Variants in ZNF213 observed in about 807,000 individuals in gnomAD.
The protein encoded by ZNF213 is zinc finger protein 213, also known as putative transcription factor CR53.
ZNF213 carries 32 observed loss-of-function variants against 46.0 expected under a neutral mutation model. That is an observed-to-expected ratio of 0.70 (90% CI 0.52 to 0.93). The LOEUF is 0.93. ZNF213 is among the 40% of genes least tolerant of loss of function. ZNF213 has a pLI of 0.00. For synonymous variants in ZNF213, 297 were observed against 271.0 expected, an observed-to-expected ratio of 1.10 and a Z score of -0.94; for missense variants, 639 against 652.8, an observed-to-expected ratio of 0.98 and a Z score of 0.23.
rs765247881 is a variant in ZNF213 at position 3,139,083 on chromosome 16, C to G, written c.706C>G (p.Arg236Gly). The part of the protein sequence containing the change: ...LFWDIKRENS[R>G]NTTLGFGLKG... Reference sequence around the variant, plus strand: ...CTGGGACATAAAGCGGGAGAACTCCCGGAACACCACCCTGGGTAAGCACCC... The same window carrying G: ...CTGGGACATAAAGCGGGAGAACTCCGGGAACACCACCCTGGGTAAGCACCC... The change falls in exon 5 of 6, where the codon CGG becomes GGG. Residue 236 changes from arginine (R) to glycine (G), a missense_variant. Arg to Gly is a moderately radical substitution (Grantham distance 125). Coordinates refer to ENST00000396878, the MANE Select transcript of ZNF213 (RefSeq NM_004220.3). The G allele has an allele frequency of 6.2e-7, 1 of 1,613,792 alleles. No homozygotes were observed. The highest frequency in any genetic ancestry group is 8.5e-7 in the Non-Finnish European group (1 of 1,179,994).
chr16:3,140,590 T>C, intron 5 of ZNF213, 99 bp from the exon 6 acceptor site: 1 of 1,411,522 alleles, frequency 7.1e-7, no homozygotes, highest in East Asian at 2.7e-5. Context: ...TTTCTGAACC[T>C]GGAGGCCAGG....
intron 2 of ZNF213, chr16:3,138,214 C>A: frequency 9.7e-7 from 1 of 1,026,456 alleles, no homozygotes; most frequent in Non-Finnish European, 1.4e-6. Flanking sequence ...GTTCTTGCCT[C>A]GTGAATGATC....
chr16:3,136,488 C>T (rs1262247936), intron 1 of ZNF213, among the ~76,000 whole-genome samples: 5 of 152,228 alleles, frequency 3.3e-5, no homozygotes, highest in Middle Eastern at 3.4e-3. Context: ...GAGGCCGAGG[C>T]GGGTGGATCA....
rs1370873917 is a variant in ZNF213 at position 3,138,410 on chromosome 16, C to T, written c.400-8C>T. Reference sequence around the variant, plus strand: ...CGGGCTGATGAGCATGTTGTGGTTCCTGCACAGGATGTGCCCTCGGAGGAG... The same window carrying T: ...CGGGCTGATGAGCATGTTGTGGTTCTTGCACAGGATGTGCCCTCGGAGGAG... On this transcript the variant is annotated splice_region_variant and splice_polypyrimidine_tract_variant and intron_variant, in intron 2 of 5. Transcript: ENST00000396878. The T allele has an allele frequency of 1.2e-6, 2 of 1,613,378 alleles. No individual in the cohort carries two copies. The highest frequency in any genetic ancestry group is 1.3e-5 in the African/African-American group (1 of 74,932).
chr16:3,140,637 T>C, intron 5 of ZNF213, 52 bp from the exon 6 acceptor site: 2 of 1,467,028 alleles, frequency 1.4e-6, no homozygotes, highest in Non-Finnish European at 1.8e-6. Context: ...TCACCTCAGC[T>C]CTGGCCCCAG....
chr16:3,141,367 A>ACCCG lies in ZNF213; in HGVS notation c.*21_*24dup, dbSNP rs759285221. 6.6e-7 allele frequency: 1 copy of ACCCG among 1,523,698 alleles called. No individual in the cohort carries two copies. The highest frequency in any genetic ancestry group is 1.3e-5 in the South Asian group (1 of 78,914). 94.4% of individuals were successfully genotyped at this position (1,523,698 alleles called of 1,614,324 possible). ...GGGTGAGCAGCTGGCTTGGCCGGAAACCCGGGGGAGGCCCAGCCACGGCAC... is the reference window on the plus strand; with the variant it reads ...GGGTGAGCAGCTGGCTTGGCCGGAAACCCGCCCGGGGGAGGCCCAGCCACGGCAC... On this transcript the variant is annotated 3_prime_UTR_variant, in exon 6 of 6. Coordinates refer to ENST00000396878, the MANE Select transcript of ZNF213 (RefSeq NM_004220.3).
At chr16:3,135,842 C>CTTTT (rs58418648) in intron 1 of ZNF213, among the ~76,000 whole-genome samples, 3 of 132,278 alleles carry the variant, frequency 2.3e-5, no homozygotes, top group African/African-American at 2.7e-5. Flanking sequence ...TCTTTTCTTT[C>CTTTT]TTTTTTTTTT....
In ZNF213 at chr16:3,138,499, C is replaced by G. The variant is rs201631772; in HGVS notation, c.481C>G (p.Arg161Gly). Residue 161 changes from arginine (R) to glycine (G), a missense_variant, in exon 3 of 6, where the codon CGG becomes GGG. By Grantham distance (125) the Arg-to-Gly change is moderately radical. Transcript: ENST00000396878. ...GGGGCCTCCCCCGACGGTGGGGGCA[C>G]GGAGGCGGCCGTCTGTTCCCCAGGA... ...ATGPPPTVGARRRPSVPQEQH... is the reference protein window; with the variant it reads ...ATGPPPTVGAGRRPSVPQEQH... 2 of 1,613,648 alleles carry G rather than the reference C, an allele frequency of 1.2e-6. No homozygotes were observed.
Position 3,137,296 on chromosome 16 carries a change from G to C in ZNF213, c.16G>C (p.Glu6Gln). ...GGCCAGGGGAATGGCAGCCCCCTTGGAGGCCCAGGACCAGGCCCCTGGGGA... is the reference window on the plus strand; with the variant it reads ...GGCCAGGGGAATGGCAGCCCCCTTGCAGGCCCAGGACCAGGCCCCTGGGGA... MAAPL[E>Q]AQDQAPGEGE... is the part of the protein sequence containing the mutation. The change falls in exon 2 of 6, where the codon GAG becomes CAG. Residue 6 changes from glutamate (E) to glutamine (Q), a missense_variant. Coordinates refer to ENST00000396878, the MANE Select transcript of ZNF213 (RefSeq NM_004220.3). The C allele has an allele frequency of 6.3e-7, 1 of 1,598,836 alleles. No individual in the cohort carries two copies. Among genetic ancestry groups the C allele is most frequent in the Non-Finnish European group, 8.5e-7 (1 of 1,170,870 alleles).
In ZNF213 at chr16:3,135,879, C is replaced by T. The variant is rs533465578; in HGVS notation, c.-116+492C>T. ...TTTTTGAGATGGTCTCACTCTGTTGCCCAGGCTGGAGTACAGTGGTGCGAT... is the reference window on the plus strand; with the variant it reads ...TTTTTGAGATGGTCTCACTCTGTTGTCCAGGCTGGAGTACAGTGGTGCGAT... On this transcript the variant is annotated intron_variant, in intron 1 of 5. Transcript: ENST00000396878. 1.9e-4 allele frequency among the ~76,000 whole-genome samples: 26 copies of T among 140,224 alleles called. No homozygotes were observed. In the East Asian group the frequency reaches 5.3e-3, roughly 29 times the overall value. The allele number at this position is 140,224 out of a possible 152,430, so 92.0% of individuals were successfully genotyped here.
intron 2 of ZNF213, 115 bp downstream of exon 2, chr16:3,137,794 C>T (rs1275321926): frequency 2.3e-6 from 3 of 1,326,980 alleles, no homozygotes; most frequent in Non-Finnish European, 3.1e-6. Context: ...GACACAGAGC[C>T]CCCAGGAGCA....
rs1957593615 is a variant in ZNF213 at position 3,140,785 on chromosome 16, G to C, written c.818G>C (p.Ser273Thr). 1 of 1,593,988 alleles carries C rather than the reference G, an allele frequency of 6.3e-7. No individual in the cohort carries two copies. Among genetic ancestry groups the C allele is most frequent in the Middle Eastern group, 1.7e-4 (1 of 5,826 alleles). Residue 273 changes from serine (S) to threonine (T), a missense_variant, in exon 6 of 6, where the codon AGC becomes ACC. Physicochemically the swap from Ser to Thr is moderately conservative, Grantham distance 58. Coordinates refer to ENST00000396878, the MANE Select transcript of ZNF213 (RefSeq NM_004220.3). ...GGCAGCGACGTGACTGTGTCCTGGAGCCCCGAGGAGGCTGAGGCCTGGGAG... is the reference window on the plus strand; with the variant it reads ...GGCAGCGACGTGACTGTGTCCTGGACCCCCGAGGAGGCTGAGGCCTGGGAG... ...QTGSDVTVSW[S>T]PEEAEAWESE... is the part of the protein sequence containing the mutation.
At position 3,139,341 on chromosome 16, in the gene ZNF213, C is replaced by T. The variant is rs189835280; in HGVS notation, c.721+243C>T. On this transcript the variant is annotated intron_variant, in intron 5 of 5. Transcript: ENST00000396878. ...TAAGGGCAACTTCTCCTTTGAGTCT[C>T]ACAACCTAGTGCATGGAAGTATTGT... 5.6e-6 allele frequency: 3 copies of T among 538,276 alleles called. No individual in the cohort carries two copies. The Admixed American group carries it at 1.1e-4, about 19-fold the overall frequency. The allele number at this position is 538,276 out of a possible 1,614,324, so 33.3% of individuals were successfully genotyped here.
In ZNF213 at chr16:3,141,272, C is replaced by A; in HGVS notation, c.1305C>A (p.Asp435Glu). Residue 435 changes from aspartate (D) to glutamate (E), a missense_variant, in exon 6 of 6, where the codon GAC becomes GAA. Physicochemically the swap from Asp to Glu is conservative, Grantham distance 45 (BLOSUM62 2). Transcript: ENST00000396878. Reference protein sequence around the residue: ...GERPFGCGECDKSFKQRAHLI... With the variant: ...GERPFGCGECEKSFKQRAHLI... Reference sequence around the variant, plus strand: ...GGCCCTTCGGCTGCGGAGAGTGCGACAAGAGCTTCAAGCAGCGCGCGCACC... The same window carrying A: ...GGCCCTTCGGCTGCGGAGAGTGCGAAAAGAGCTTCAAGCAGCGCGCGCACC... The A allele has an allele frequency of 6.2e-7, 1 of 1,611,652 alleles. No homozygotes were observed. Among genetic ancestry groups the A allele is most frequent in the South Asian group, 1.1e-5 (1 of 91,074 alleles).
chr16:3,139,748 C>CT (rs1194489858), intron 5 of ZNF213: 303 of 144,290 alleles, frequency 2.1e-3, no homozygotes, highest in East Asian at 2.6e-3. Flanking sequence ...AATTTTCTTT[C>CT]TTTTTTTTTT....
chr16:3,140,914 C>A lies in ZNF213; in HGVS notation c.947C>A (p.Pro316Gln). ...RQFRDLAAEK[P>Q]HSCGQCGKRF... ...TTCCGGGACCTGGCAGCCGAGAAGC[C>A]GCACAGCTGCGGGCAGTGTGGAAAG... The change falls in exon 6 of 6, where the codon CCG (proline) becomes CAG (glutamine). Residue 316 changes from proline to glutamine, a missense_variant. Physicochemically the swap from Pro to Gln is moderately conservative, Grantham distance 76. Coordinates refer to ENST00000396878, the MANE Select transcript of ZNF213 (RefSeq NM_004220.3). The A allele has an allele frequency of 6.3e-7, 1 of 1,590,244 alleles. No homozygotes were observed. Among genetic ancestry groups the A allele is most frequent in the African/African-American group, 1.3e-5 (1 of 74,652 alleles).
rs1957613535 is a variant in ZNF213, at chr16:3,142,210, G to A, written c.*863G>A. The A allele has an allele frequency of 1.2e-4, 21 of 170,186 alleles. No individual in the cohort carries two copies. The highest frequency in any genetic ancestry group is 2.0e-4 in the South Asian group (3 of 14,802). The allele number at this position is 170,186 out of a possible 1,614,324, so 10.5% of individuals were successfully genotyped here. On this transcript the variant is annotated 3_prime_UTR_variant, in exon 6 of 6. Coordinates refer to ENST00000396878, the MANE Select transcript of ZNF213 (RefSeq NM_004220.3). ...CCCGGCACCCTGCTCCATCGGCACT[G>A]GCGCCCTGCTCCATCGGCACTAATG...
At chr16:3,139,184 G>A in intron 5 of ZNF213, 86 bp downstream of exon 5, 3 of 1,556,748 alleles carry the variant, frequency 1.9e-6, no homozygotes, top group Non-Finnish European at 2.6e-6. Context: ...ATCCTTAGCT[G>A]GTTCCAAAGC....
Position 3,138,964 on chromosome 16 carries a change from C to T in ZNF213, c.598-11C>T, listed in dbSNP as rs1957573329. On this transcript the variant is annotated splice_polypyrimidine_tract_variant and intron_variant, in intron 4 of 5. Coordinates refer to ENST00000396878, the MANE Select transcript of ZNF213 (RefSeq NM_004220.3). Reference sequence around the variant, plus strand: ...GGGAGGCCTGAGCCGGGTCTTCTCACCCCATTCCAGGGACCTGTGGCATTG... The same window carrying T: ...GGGAGGCCTGAGCCGGGTCTTCTCATCCCATTCCAGGGACCTGTGGCATTG... 2 of 1,614,230 alleles carry T rather than the reference C, an allele frequency of 1.2e-6. No homozygotes were observed. The highest frequency in any genetic ancestry group is 1.7e-6 in the Non-Finnish European group (2 of 1,180,034).
Sources: allele counts gnomAD v4.1 joint callset (sites outside exome capture counted in the v4.1 genomes callset), GRCh38; gene constraint gnomAD v4.1.1; transcripts MANE v1.5; gene names NCBI Gene and HGNC (gene_info 2026-07-23, HGNC 2026-07-21).